The following CACNA2D1 variants were observed in gnomAD, a reference collection of about 807,000 sequenced individuals.
CACNA2D1 encodes the protein calcium voltage-gated channel auxiliary subunit alpha2delta 1, also known as voltage-dependent calcium channel subunit alpha-2/delta-1.
A neutral mutation model predicts 171.5 loss-of-function variants in CACNA2D1; 53 were observed. The observed-to-expected ratio is 0.31, with a 90% CI of 0.25 to 0.39. The LOEUF (loss-of-function observed/expected upper bound fraction) is 0.39, where lower values mean the gene tolerates loss of function less well. Ranked by LOEUF, CACNA2D1 falls within the 10% of genes least tolerant of loss-of-function variation. CACNA2D1 has a pLI of 1.00. For missense variants in CACNA2D1, 903 were observed against 1,299.8 expected (o/e 0.69, Z 4.69); for synonymous variants, 442 against 443.1 (o/e 1.00, Z 0.03).
chr7:82,427,941 C>T (rs1017125720), intron 1 of CACNA2D1, among the ~76,000 whole-genome samples: 1 of 152,152 alleles, frequency 6.6e-6, no homozygotes, highest in African/African-American at 2.4e-5. Flanking sequence ...GTATTCCCAG[C>T]ACTTTGGGAG....
chr7:82,033,388 TA>T (rs1314291844), intron 11 of CACNA2D1, among the ~76,000 whole-genome samples: 1 of 152,016 alleles, frequency 6.6e-6, no homozygotes, highest in East Asian at 1.9e-4. Context: ...AGTAGTTTAT[TA>T]AAAAAATGAG....
intron 3 of CACNA2D1, among the ~76,000 whole-genome samples, chr7:82,180,038 TC>T (rs531088020): frequency 2.3e-4 from 35 of 152,224 alleles, no homozygotes; most frequent in Admixed American, 9.8e-4. Context: ...TCTGAATTAG[TC>T]CCAATTTCAA....
rs1795938581 is a variant in CACNA2D1 at position 81,977,169 on chromosome 7, A to G, written c.1956-2617T>C. Among the ~76,000 whole-genome samples, 4 of 152,122 alleles carry G rather than the reference A, an allele frequency of 2.6e-5. No homozygotes were observed. In the South Asian group the frequency reaches 6.2e-4, roughly 24 times the overall value. ...TGCTTCCAGCTTTTGCCCATTCAGT[A>G]TGATATTGGCTGTGGGTTTGTCACA... is the stretch of plus-strand genomic sequence containing the variant. On this transcript the variant is annotated intron_variant, in intron 24 of 38. Transcript: ENST00000356860.
At chr7:82,150,423 A>T (rs1363558675) in intron 4 of CACNA2D1, among the ~76,000 whole-genome samples, 404 of 23,806 alleles carry the variant, frequency 0.017, 1 homozygote, top group African/African-American at 0.096. Context: ...GCTTTCCCTT[A>T]AAAAAAAAAA....
chr7:82,366,998 C>T (rs1375100277), intron 1 of CACNA2D1, among the ~76,000 whole-genome samples: 1 of 144,408 alleles, frequency 6.9e-6, no homozygotes, highest in African/African-American at 2.5e-5. Context: ...CCTCGACCTT[C>T]TGGGCTCAAA....
intron 1 of CACNA2D1, among the ~76,000 whole-genome samples, chr7:82,362,292 C>G (rs117706329): frequency 1.3e-5 from 2 of 152,122 alleles, no homozygotes; most frequent in Non-Finnish European, 2.9e-5. Flanking sequence ...CACATCCCAA[C>G]GTAGATTTCA....
At chr7:82,115,319 A>T (rs10250875) in intron 6 of CACNA2D1, among the ~76,000 whole-genome samples, 1 of 152,190 alleles carries the variant, frequency 6.6e-6, no homozygotes, top group Non-Finnish European at 1.5e-5. Context: ...ATAGCTTAGC[A>T]TTGTCTGAAC....
At chr7:82,031,215 A>G (rs892535977) in intron 12 of CACNA2D1, among the ~76,000 whole-genome samples, 1 of 151,810 alleles carries the variant, frequency 6.6e-6, no homozygotes, top group South Asian at 2.1e-4. Flanking sequence ...ACAGTGTGCT[A>G]TGGGATCAGA....
chr7:82,076,519 T>A (rs1358187767), intron 7 of CACNA2D1, among the ~76,000 whole-genome samples: 1 of 152,180 alleles, frequency 6.6e-6, no homozygotes, highest in Non-Finnish European at 1.5e-5. Context: ...ATTAAATTCA[T>A]GTTTTTAAAA....
intron 8 of CACNA2D1, among the ~76,000 whole-genome samples, chr7:82,066,234 T>G (rs1302166634): frequency 6.6e-6 from 1 of 152,134 alleles, no homozygotes; most frequent in African/African-American, 2.4e-5. Flanking sequence ...AGTAGTCCAT[T>G]TGAAATGAAT....
Position 82,012,262 on chromosome 7 carries a change from A to C in CACNA2D1, c.1273-19T>G. The C allele has an allele frequency of 1.4e-6, 2 of 1,434,030 alleles. No individual in the cohort carries two copies. Among genetic ancestry groups the C allele is most frequent in the Non-Finnish European group, 9.8e-7 (1 of 1,018,906 alleles). 88.8% of individuals were successfully genotyped at this position (1,434,030 alleles called of 1,614,324 possible). On this transcript the variant is annotated intron_variant, in intron 14 of 38. Transcript: ENST00000356860. Reference sequence around the variant, plus strand: ...AATATTCCTGTTTATGGGAAAAAAAAAAAAAGTCGTGGTTAAAACTAGGAA... The same window carrying C: ...AATATTCCTGTTTATGGGAAAAAAACAAAAAGTCGTGGTTAAAACTAGGAA...
intron 3 of CACNA2D1, among the ~76,000 whole-genome samples, chr7:82,292,094 A>G (rs577734082): frequency 6.6e-6 from 1 of 152,106 alleles, no homozygotes; most frequent in South Asian, 2.1e-4. Flanking sequence ...TGCTGACATA[A>G]TTATGATAAT....
At chr7:82,421,723 G>C (rs984301561) in intron 1 of CACNA2D1, among the ~76,000 whole-genome samples, 1 of 152,146 alleles carries the variant, frequency 6.6e-6, no homozygotes, top group East Asian at 1.9e-4. Context: ...CCTCCATACA[G>C]GGCTTGCTCA....
intron 15 of CACNA2D1, among the ~76,000 whole-genome samples, chr7:82,011,260 C>T (rs185919050): frequency 6.6e-5 from 10 of 152,168 alleles, no homozygotes; most frequent in Admixed American, 5.9e-4. Context: ...TACACTAATA[C>T]TAACAATAGT....
At chr7:82,192,772 T>C (rs921399007) in intron 3 of CACNA2D1, among the ~76,000 whole-genome samples, 34 of 149,154 alleles carry the variant, frequency 2.3e-4, no homozygotes, top group African/African-American at 7.9e-4. Flanking sequence ...TCCTGAAACA[T>C]CTAACTTTTC....
intron 3 of CACNA2D1, among the ~76,000 whole-genome samples, chr7:82,244,442 A>C (rs1436727138): frequency 6.6e-6 from 1 of 152,094 alleles, no homozygotes; most frequent in East Asian, 1.9e-4. Flanking sequence ...CCTCTTTTTT[A>C]GGTGTAAATT....
At chr7:82,320,510 C>T (rs1056232772) in intron 3 of CACNA2D1, among the ~76,000 whole-genome samples, 1 of 151,722 alleles carries the variant, frequency 6.6e-6, no homozygotes, top group Non-Finnish European at 1.5e-5. Context: ...CTTCTGGGCT[C>T]GAGTGATCTT....
At chr7:82,314,613 T>C (rs1814870669) in intron 3 of CACNA2D1, among the ~76,000 whole-genome samples, 1 of 152,168 alleles carries the variant, frequency 6.6e-6, no homozygotes, top group Admixed American at 6.5e-5. Context: ...GCATGCCACC[T>C]TTTCTATTTA....
intron 3 of CACNA2D1, among the ~76,000 whole-genome samples, chr7:82,174,600 A>G (rs1796373822): frequency 1.3e-5 from 2 of 152,230 alleles, no homozygotes; most frequent in African/African-American, 4.8e-5. Flanking sequence ...TTAGATTCCT[A>G]TAAAACTCAT....
Sources: allele counts gnomAD v4.1 joint callset (sites outside exome capture counted in the v4.1 genomes callset), GRCh38; gene constraint gnomAD v4.1.1; transcripts MANE v1.5; gene names NCBI Gene and HGNC (gene_info 2026-07-23, HGNC 2026-07-21).